NLGN1: variants seen among roughly 807,000 people sequenced by gnomAD.
NLGN1 encodes neuroligin 1.
Under a neutral mutation model 65.5 loss-of-function variants are expected in NLGN1, and 12 were observed. The observed-to-expected ratio is 0.18, with a 90% CI of 0.12 to 0.30. The LOEUF (loss-of-function observed/expected upper bound fraction) is 0.30. Among genes scored for constraint, NLGN1 ranks in the 10% least tolerant of loss-of-function variants. NLGN1 has a pLI of 1.00. For synonymous variants in NLGN1, 350 were observed against 359.5 expected, an observed-to-expected ratio of 0.97 and a Z score of 0.30; for missense variants, 750 against 1,007.1, an observed-to-expected ratio of 0.74 and a Z score of 3.46.
intron 4 of NLGN1, among the ~76,000 whole-genome samples, chr3:173,975,771 TC>T: frequency 6.6e-6 from 1 of 152,078 alleles, no homozygotes; most frequent in East Asian, 1.9e-4. Flanking sequence ...CTTGCCCCAC[TC>T]ATTGCCCTTT....
At chr3:174,257,055 A>G (rs4894663) in intron 4 of NLGN1, among the ~76,000 whole-genome samples, 35,264 of 152,140 alleles carry the variant, frequency 0.23, 4,329 homozygotes, top group East Asian at 0.52. Flanking sequence ...AACTTAAACC[A>G]ATTTATAAGA....
chr3:173,575,215 AT>A (rs1745320284), intron 2 of NLGN1, among the ~76,000 whole-genome samples: 1 of 151,774 alleles, frequency 6.6e-6, no homozygotes, highest in African/African-American at 2.4e-5. Context: ...AAATAAAAAA[AT>A]AAAAAAAAAT....
intron 4 of NLGN1, among the ~76,000 whole-genome samples, chr3:174,153,671 A>C (rs1469187265): frequency 1.3e-5 from 2 of 151,952 alleles, no homozygotes; most frequent in African/African-American, 4.8e-5. Context: ...ACTTTTTTTC[A>C]AAAATCAGCT....
At chr3:173,411,033 A>G (rs944326864) in intron 1 of NLGN1, among the ~76,000 whole-genome samples, 4 of 152,226 alleles carry the variant, frequency 2.6e-5, no homozygotes, top group African/African-American at 9.6e-5. Context: ...GGCATAGGCT[A>G]CATATGGTCA....
chr3:174,292,406 A>G, the NLGN1 span, among the ~76,000 whole-genome samples: 1 of 151,510 alleles, frequency 6.6e-6, no homozygotes, highest in East Asian at 1.9e-4. Flanking sequence ...CAGAGGAACC[A>G]ATACAAAGAT....
chr3:174,290,941 A>G (rs1468294581), downstream of NLGN1, among the ~76,000 whole-genome samples: 1 of 151,032 alleles, frequency 6.6e-6, no homozygotes, highest in Non-Finnish European at 1.5e-5. Flanking sequence ...AGAATATAAT[A>G]CAACCTATGA....
At chr3:174,114,543 A>G (rs1405275205) in intron 4 of NLGN1, among the ~76,000 whole-genome samples, 1 of 152,166 alleles carries the variant, frequency 6.6e-6, no homozygotes. Context: ...CAACCCAATC[A>G]AGTCACAAAA....
chr3:173,543,005 T>A (rs1739154909), intron 2 of NLGN1, among the ~76,000 whole-genome samples: 2 of 152,160 alleles, frequency 1.3e-5, no homozygotes, highest in African/African-American at 4.8e-5. Context: ...GTAGGTGGTG[T>A]AGCAGAATGT....
At chr3:173,598,253 C>T (rs1749840755) in intron 2 of NLGN1, among the ~76,000 whole-genome samples, 1 of 152,176 alleles carries the variant, frequency 6.6e-6, no homozygotes, top group African/African-American at 2.4e-5. Context: ...GGTTAACCAA[C>T]TGCACTACAG....
chr3:173,956,094 A>G (rs1344442879), intron 4 of NLGN1, among the ~76,000 whole-genome samples: 1 of 152,114 alleles, frequency 6.6e-6, no homozygotes, highest in Non-Finnish European at 1.5e-5. Context: ...AATTATGTTA[A>G]TATTCAAGTA....
chr3:174,285,250 A>G (rs1019636789), exon 7 of NLGN1: 3 of 151,426 alleles, frequency 2.0e-5, no homozygotes, highest in African/African-American at 7.3e-5. Context: ...TGATGTTAGT[A>G]ATTTTGTTTT....
Position 173,855,097 on chromosome 3 carries a change from G to C in NLGN1, c.646+47265G>C, listed in dbSNP as rs1167200400. ...TGTCCCATAGTCTGTCACTTTAGAC[G>C]CTTTAACAGTGTTTGACAAAATGTA... On this transcript the variant is annotated intron_variant, in intron 4 of 6. Coordinates refer to ENST00000457714, the Ensembl canonical transcript of NLGN1. Among the ~76,000 whole-genome samples the C allele has an allele frequency of 2.0e-5, 3 of 151,918 alleles. No homozygotes were observed. In the East Asian group the frequency reaches 5.8e-4, roughly 29 times the overall value.
chr3:173,619,185 C>T (rs1753607689), intron 3 of NLGN1, among the ~76,000 whole-genome samples: 1 of 152,040 alleles, frequency 6.6e-6, no homozygotes, highest in Non-Finnish European at 1.5e-5. Flanking sequence ...AGAATAGAAA[C>T]CCTCTGTGCA....
chr3:174,272,129 G>A (rs1235459941), intron 4 of NLGN1, among the ~76,000 whole-genome samples: 1 of 151,658 alleles, frequency 6.6e-6, no homozygotes, highest in Non-Finnish European at 1.5e-5. Context: ...TATCTGTTAA[G>A]AATGATTTAA....
In NLGN1 at chr3:174,283,682, A is replaced by C. The variant is rs1433661685; in HGVS notation, c.*2379A>C. 5 of 151,412 alleles carry C rather than the reference A, an allele frequency of 3.3e-5. No homozygotes were observed. In the East Asian group the frequency reaches 9.7e-4, roughly 29 times the overall value. 9.4% of individuals were successfully genotyped at this position (151,412 alleles called of 1,614,324 possible). A position where few individuals can be genotyped will look rare whatever the true frequency, so the allele number is the denominator to read the frequency against. On this transcript the variant is annotated 3_prime_UTR_variant, in exon 7 of 7. Coordinates refer to ENST00000457714, the Ensembl canonical transcript of NLGN1. ...CCCCCCTCCCAATTATTATCTATCA[A>C]AGAAATGTAGGTATTCCTCCATAAT...
exon 7 of NLGN1, chr3:174,281,060 A>G (rs1453114519): frequency 3.1e-6 from 5 of 1,613,382 alleles, no homozygotes; most frequent in Non-Finnish European, 4.2e-6. Context: ...TGGATCATGA[A>G]TGTGAGTCCA....
chr3:174,044,627 A>G (rs184121621), intron 4 of NLGN1, among the ~76,000 whole-genome samples: 6 of 152,204 alleles, frequency 3.9e-5, no homozygotes, highest in Admixed American at 2.6e-4. Context: ...CCGTATCACT[A>G]TCAGCATTTT....
intron 2 of NLGN1, among the ~76,000 whole-genome samples, chr3:173,508,834 C>A (rs760296702): frequency 1.1e-4 from 17 of 152,184 alleles, no homozygotes; most frequent in Non-Finnish European, 1.9e-4. Context: ...ATGAGGGAGG[C>A]AGACTGTTTC....
chr3:173,977,795 A>G (rs1351450034), intron 4 of NLGN1, among the ~76,000 whole-genome samples: 1 of 152,100 alleles, frequency 6.6e-6, no homozygotes, highest in Non-Finnish European at 1.5e-5. Flanking sequence ...TTTGGAACTC[A>G]AAAGAGTATT....
Sources: allele counts gnomAD v4.1 joint callset (sites outside exome capture counted in the v4.1 genomes callset), GRCh38; gene constraint gnomAD v4.1.1; transcripts MANE v1.5; gene names NCBI Gene and HGNC (gene_info 2026-07-23, HGNC 2026-07-21).